DDX60L: variants seen among roughly 807,000 people sequenced by gnomAD.
DDX60L encodes the protein DExD/H-box 60 like.
DDX60L carries 191 observed loss-of-function variants against 211.6 expected under a neutral mutation model. The ratio of observed to expected loss-of-function variants is 0.90; its 90% CI spans 0.80 to 1.02. The LOEUF is 1.02. DDX60L is among the 50% of genes least tolerant of loss of function. DDX60L has a pLI of 0.00. For synonymous variants in DDX60L, 706 were observed against 694.1 expected (o/e 1.02, Z -0.27); for missense variants, 2,007 against 1,984.1 (o/e 1.01, Z -0.22).
chr4:168,360,570 G>A (rs1470835381), intron 37 of DDX60L, among the ~76,000 whole-genome samples: 1 of 152,198 alleles, frequency 6.6e-6, no homozygotes, highest in East Asian at 1.9e-4. Context: ...AAGAAGTAAG[G>A]ACTAGAGGTA....
At chr4:168,450,249 A>G (rs1303380927) in intron 8 of DDX60L, among the ~76,000 whole-genome samples, 3 of 152,156 alleles carry the variant, frequency 2.0e-5, no homozygotes, top group Admixed American at 1.3e-4. Flanking sequence ...AGCTGACATC[A>G]GCCAGCTCTA....
intron 10 of DDX60L, among the ~76,000 whole-genome samples, chr4:168,435,394 G>T (rs983054961): frequency 2.0e-5 from 3 of 152,146 alleles, no homozygotes; most frequent in Non-Finnish European, 4.4e-5. Context: ...TTAAGGACTT[G>T]AAAAATACAG....
chr4:168,461,037 C>T (rs1561122205), intron 5 of DDX60L, among the ~76,000 whole-genome samples: 1 of 152,182 alleles, frequency 6.6e-6, no homozygotes, highest in Non-Finnish European at 1.5e-5. Context: ...CAGGACTTCC[C>T]AACCTGGGAG....
At chr4:168,476,738 A>C (rs1378789127) in intron 1 of DDX60L, among the ~76,000 whole-genome samples, 1 of 152,194 alleles carries the variant, frequency 6.6e-6, no homozygotes, top group Non-Finnish European at 1.5e-5. Context: ...CACATTTAAG[A>C]ATTATCACTG....
chr4:168,390,485 G>T, intron 29 of DDX60L: 1 of 1,386,860 alleles, frequency 7.2e-7, no homozygotes, highest in South Asian at 1.8e-5. Flanking sequence ...CCTTTTCTCT[G>T]TAAAATCACA....
intron 4 of DDX60L, among the ~76,000 whole-genome samples, chr4:168,468,197 TA>T (rs1758282279): frequency 6.6e-6 from 1 of 151,698 alleles, no homozygotes; most frequent in African/African-American, 2.4e-5. Flanking sequence ...AATAAACAAG[TA>T]AAATTACAGA....
chr4:168,407,931 A>G (rs1462264792), intron 22 of DDX60L, among the ~76,000 whole-genome samples: 1 of 152,214 alleles, frequency 6.6e-6, no homozygotes, highest in Non-Finnish European at 1.5e-5. Context: ...TTTTTATTCT[A>G]TGTTATGCAA....
chr4:168,404,662 T>C (rs779210260), intron 24 of DDX60L, among the ~76,000 whole-genome samples: 9 of 152,174 alleles, frequency 5.9e-5, no homozygotes, highest in Non-Finnish European at 1.2e-4. Flanking sequence ...ACCTCAGATA[T>C]TGTTGAAATT....
intron 36 of DDX60L, among the ~76,000 whole-genome samples, chr4:168,364,784 C>G (rs974651666): frequency 1.3e-5 from 2 of 152,070 alleles, no homozygotes; most frequent in Admixed American, 1.3e-4. Flanking sequence ...GATCACCAAA[C>G]AAGTCTGAAC....
chr4:168,455,272 TTGTGTG>T (rs34353821), intron 7 of DDX60L, among the ~76,000 whole-genome samples: 2 of 144,166 alleles, frequency 1.4e-5, no homozygotes, highest in South Asian at 2.2e-4. Flanking sequence ...CATACAAACT[TTGTGTG>T]TGTGTGTGTG....
At chr4:168,392,935 A>C (rs2149730398) in intron 28 of DDX60L, among the ~76,000 whole-genome samples, 1 of 152,118 alleles carries the variant, frequency 6.6e-6, no homozygotes, top group Non-Finnish European at 1.5e-5. Context: ...TCATTTATAT[A>C]TTCATTCATT....
intron 8 of DDX60L, among the ~76,000 whole-genome samples, chr4:168,450,329 C>T (rs186303481): frequency 2.1e-4 from 32 of 152,212 alleles, no homozygotes; most frequent in African/African-American, 7.7e-4. Context: ...AGCTTCAACG[C>T]CCTATGATTT....
chr4:168,468,342 A>T (rs999634140), intron 4 of DDX60L, among the ~76,000 whole-genome samples: 2 of 152,166 alleles, frequency 1.3e-5, no homozygotes, highest in East Asian at 3.8e-4. Flanking sequence ...ATTAATATTT[A>T]AAAATCACTT....
At chr4:168,428,933 A>T (rs990435890) in intron 13 of DDX60L, among the ~76,000 whole-genome samples, 65 of 152,328 alleles carry the variant, frequency 4.3e-4, no homozygotes, top group African/African-American at 1.5e-3. Context: ...AGAGAAAGAA[A>T]ATAGGTATGG....
chr4:168,425,417 G>A (rs899868928), intron 14 of DDX60L, among the ~76,000 whole-genome samples: 1 of 152,184 alleles, frequency 6.6e-6, no homozygotes, highest in Non-Finnish European at 1.5e-5. Flanking sequence ...TCAAGACAGG[G>A]TGATCAACCA....
chr4:168,409,241 A>T (rs2149810157), intron 22 of DDX60L, among the ~76,000 whole-genome samples: 1 of 152,322 alleles, frequency 6.6e-6, no homozygotes, highest in East Asian at 1.9e-4. Flanking sequence ...TGCAGAAGTC[A>T]TACAGGGTCA....
chr4:168,422,558 G>A lies in DDX60L; in HGVS notation c.2210C>T (p.Pro737Leu), dbSNP rs1436097054. The change falls in exon 16 of 38, where the codon CCC (proline) becomes CTC (leucine). Residue 737 changes from proline to leucine, a missense_variant. Physicochemically the swap from Pro to Leu is moderately conservative, Grantham distance 98. Coordinates refer to ENST00000682922, the MANE Select transcript of DDX60L (RefSeq NM_001012967.3). ...GTTGGGAATAAAATCCTGGACCCTG[G>A]GATCCCGATCTTTTCTTTCATCTCT... is the stretch of plus-strand genomic sequence containing the variant. ...LIRDERKDRDPRVQDFIPNAW... is the reference protein window; with the variant it reads ...LIRDERKDRDLRVQDFIPNAW... The A allele has an allele frequency of 3.1e-6, 5 of 1,612,854 alleles. No homozygotes were observed. Among genetic ancestry groups the A allele is most frequent in the Non-Finnish European group, 4.2e-6 (5 of 1,179,630 alleles).
chr4:168,388,177 C>A (rs1057179414), intron 29 of DDX60L, among the ~76,000 whole-genome samples: 2 of 152,140 alleles, frequency 1.3e-5, no homozygotes, highest in Non-Finnish European at 2.9e-5. Flanking sequence ...AAAGAACAAG[C>A]GCAATCACAT....
At chr4:168,399,341 G>C (rs1003311031) in intron 26 of DDX60L, among the ~76,000 whole-genome samples, 2 of 152,078 alleles carry the variant, frequency 1.3e-5, no homozygotes, top group African/African-American at 4.8e-5. Flanking sequence ...TGCAGTTCCT[G>C]GCATCTCTGG....
Sources: allele counts gnomAD v4.1 joint callset (sites outside exome capture counted in the v4.1 genomes callset), GRCh38; gene constraint gnomAD v4.1.1; transcripts MANE v1.5; gene names NCBI Gene and HGNC (gene_info 2026-07-23, HGNC 2026-07-21).